Variants in TCERG1L observed in about 807,000 individuals in gnomAD.
The protein encoded by TCERG1L is transcription elongation regulator 1-like protein.
TCERG1L carries 37 observed loss-of-function variants against 56.3 expected under a neutral mutation model. That is an observed-to-expected ratio of 0.66 (90% CI 0.51 to 0.87). TCERG1L has a LOEUF of 0.87. TCERG1L is among the 40% of genes least tolerant of loss of function. The probability of loss-of-function intolerance (pLI) is 0.00; values close to 1 mark genes in which losing one functional copy is unlikely to be tolerated. For missense variants in TCERG1L, 799 were observed against 774.2 expected (o/e 1.03, Z -0.38); for synonymous variants, 324 against 326.3 (o/e 0.99, Z 0.08).
intron 1 of TCERG1L, among the ~76,000 whole-genome samples, chr10:131,310,775 C>T (rs559990826): frequency 1.3e-5 from 2 of 152,300 alleles, no homozygotes; most frequent in South Asian, 4.1e-4. Flanking sequence ...CCGGCCACTT[C>T]CGTCGGTTGG....
At chr10:131,247,268 A>T (rs1247363917) in intron 4 of TCERG1L, among the ~76,000 whole-genome samples, 1 of 152,232 alleles carries the variant, frequency 6.6e-6, no homozygotes, top group Non-Finnish European at 1.5e-5. Flanking sequence ...TTGCATGTGT[A>T]TATTAGTTTC....
chr10:131,170,207 G>A (rs1846074816), intron 4 of TCERG1L, among the ~76,000 whole-genome samples: 1 of 152,150 alleles, frequency 6.6e-6, no homozygotes, highest in African/African-American at 2.4e-5. Context: ...GGGTCTGCGT[G>A]TCAGCCATTC....
Position 131,161,129 on chromosome 10 carries a change from C to T in TCERG1L, c.1034+1993G>A, listed in dbSNP as rs190575065. On this transcript the variant is annotated intron_variant, in intron 6 of 11. Transcript: ENST00000368642. ...TTCTCTCAACCATGGACTGACCACA[C>T]ATACCATGGTGGTCCCGTCAGATTA... is the stretch of plus-strand genomic sequence containing the variant. The T allele has an allele frequency of 7.2e-5, 11 of 152,366 alleles. No homozygotes were observed. In the East Asian group the frequency reaches 1.4e-3, roughly 19 times the overall value. 9.4% of individuals were successfully genotyped at this position (152,366 alleles called of 1,614,324 possible). A position where few individuals can be genotyped will look rare whatever the true frequency, so the allele number is the denominator to read the frequency against.
At chr10:131,308,108 T>A in intron 3 of TCERG1L, 103 bp downstream of exon 3, 1 of 1,171,130 alleles carries the variant, frequency 8.5e-7, no homozygotes, top group South Asian at 1.7e-5. Context: ...TTTACCAAGA[T>A]AATTGTTTCA....
In TCERG1L at chr10:131,285,517, A is replaced by G. The variant is rs1461716168; in HGVS notation, c.670+22694T>C. On this transcript the variant is annotated intron_variant, in intron 3 of 11. Transcript: ENST00000368642. ...GAAAGAAAGAAAGAAAGAAAGAAAG[A>G]AAGAAAGAGAGAAAGAAAAGAAAAG... Among the ~76,000 whole-genome samples, 420 of 62,826 alleles carry G rather than the reference A, an allele frequency of 6.7e-3. 18 individuals are homozygous for G. The highest frequency in any genetic ancestry group is 0.023 in the African/African-American group (391 of 16,704). 41.2% of individuals were successfully genotyped at this position (62,826 alleles called of 152,430 possible). A position where few individuals can be genotyped will look rare whatever the true frequency, so the allele number is the denominator to read the frequency against.
Position 131,308,243 on chromosome 10 carries a change from G to C in TCERG1L, c.638C>G (p.Pro213Arg). 6.2e-7 allele frequency: 1 copy of C among 1,613,870 alleles called. No homozygotes were observed. Among genetic ancestry groups the C allele is most frequent in the African/African-American group, 1.3e-5 (1 of 75,036 alleles). Reference sequence around the variant, plus strand: ...GGGCTGAGGTGCTAACACCACCGTGGGGAGCGGCCTGGAGGCAGGAGCCGG... The same window carrying C: ...GGGCTGAGGTGCTAACACCACCGTGCGGAGCGGCCTGGAGGCAGGAGCCGG... ...SRPAPASRPLPTVVLAPQPIP... is the reference protein window; with the variant it reads ...SRPAPASRPLRTVVLAPQPIP... The change falls in exon 3 of 12, where the codon CCC (proline) becomes CGC (arginine). Residue 213 changes from proline to arginine, a missense_variant. Physicochemically the swap from Pro to Arg is moderately radical, Grantham distance 103 (BLOSUM62 -2). Transcript: ENST00000368642.
intron 8 of TCERG1L, among the ~76,000 whole-genome samples, chr10:131,128,966 A>G (rs556936958): frequency 6.6e-6 from 1 of 152,344 alleles, no homozygotes; most frequent in Admixed American, 6.5e-5. Flanking sequence ...ACAAGCCCCT[A>G]AACCATGCCC....
intron 3 of TCERG1L, among the ~76,000 whole-genome samples, chr10:131,278,918 C>A (rs987490327): frequency 3.9e-5 from 6 of 152,302 alleles, no homozygotes; most frequent in Middle Eastern, 6.8e-3. Flanking sequence ...AATCCTCCTG[C>A]ATGGCCTTCA....
intron 8 of TCERG1L, among the ~76,000 whole-genome samples, chr10:131,129,047 C>T (rs907663660): frequency 6.6e-6 from 1 of 152,118 alleles, no homozygotes; most frequent in African/African-American, 2.4e-5. Context: ...GGAAATGCAA[C>T]ATTTGTAAAA....
intron 4 of TCERG1L, among the ~76,000 whole-genome samples, chr10:131,169,653 G>A (rs192781597): frequency 4.5e-4 from 69 of 152,298 alleles, no homozygotes; most frequent in Non-Finnish European, 7.5e-4. Flanking sequence ...GGTCGTGCAC[G>A]GAAAGCTGAG....
chr10:131,095,477 G>A (rs1313492825), intron 11 of TCERG1L: 1 of 152,234 alleles, frequency 6.6e-6, no homozygotes, highest in Non-Finnish European at 1.5e-5. Flanking sequence ...GCTTCTAAGA[G>A]GCCCACGTCG....
chr10:131,118,712 T>C lies in TCERG1L; in HGVS notation c.1260-1778A>G, dbSNP rs549522629. On this transcript the variant is annotated intron_variant, in intron 8 of 11. Transcript: ENST00000368642. The surrounding 1 kb of genome is among the most constrained non-coding windows in gnomAD (Gnocchi z 4.2). The stretch of plus-strand genomic sequence containing the variant: ...CCTGACCGTGGCTATCAAATCCTGC[T>C]TTTCCATGCCAAATTTGGAATTGAG... 6.6e-6 allele frequency among the ~76,000 whole-genome samples: 1 copy of C among 152,348 alleles called. No individual in the cohort carries two copies. Among genetic ancestry groups the C allele is most frequent in the Non-Finnish European group, 1.5e-5 (1 of 68,036 alleles).
chr10:131,222,254 T>C (rs1376628879), intron 4 of TCERG1L, among the ~76,000 whole-genome samples: 2 of 152,280 alleles, frequency 1.3e-5, no homozygotes, highest in Non-Finnish European at 2.9e-5. Flanking sequence ...TCAGGCATCC[T>C]GAGTGCCCCA....
At chr10:131,305,544 C>T (rs1206431033) in intron 3 of TCERG1L, among the ~76,000 whole-genome samples, 1 of 152,060 alleles carries the variant, frequency 6.6e-6, no homozygotes, top group Non-Finnish European at 1.5e-5. Flanking sequence ...TGGGTTACAT[C>T]ATTTGAGTTC....
intron 8 of TCERG1L, among the ~76,000 whole-genome samples, chr10:131,125,109 A>T (rs1195962553): frequency 6.6e-6 from 1 of 152,200 alleles, no homozygotes; most frequent in East Asian, 1.9e-4. Flanking sequence ...GATGACAATG[A>T]TGGTGATGGT....
intron 4 of TCERG1L, among the ~76,000 whole-genome samples, chr10:131,210,202 G>A (rs1219356543): frequency 1.3e-5 from 2 of 152,192 alleles, no homozygotes; most frequent in African/African-American, 4.8e-5. Flanking sequence ...AATGGGAGCT[G>A]TTGTTGTGCC....
At chr10:131,153,682 G>A (rs1845889630) in intron 6 of TCERG1L, among the ~76,000 whole-genome samples, 1 of 152,212 alleles carries the variant, frequency 6.6e-6, no homozygotes, top group African/African-American at 2.4e-5. Context: ...CCGGTTCTCA[G>A]ATGCAGAGAC....
At chr10:131,203,751 C>T (rs2918129) in intron 4 of TCERG1L, among the ~76,000 whole-genome samples, 83,475 of 152,026 alleles carry the variant, frequency 0.55, 23,904 homozygotes, top group Admixed American at 0.64. Context: ...TCACATCCCG[C>T]CGGCGAGCGC....
At chr10:131,204,961 G>T (rs1015122940) in intron 4 of TCERG1L, among the ~76,000 whole-genome samples, 1 of 152,150 alleles carries the variant, frequency 6.6e-6, no homozygotes, top group African/African-American at 2.4e-5. Flanking sequence ...GTGCTCTGCA[G>T]CTGGATCTGG....
Sources: gnomAD v4.1 joint callset for allele counts (sites outside exome capture counted in the v4.1 genomes callset) on GRCh38, gnomAD v4.1.1 for gene constraint, Gnocchi (gnomAD v3.1) non-coding constraint, MANE v1.5 for transcripts, NCBI Gene and HGNC (gene_info 2026-07-23, HGNC 2026-07-21) for gene names.